Variants in CUL3 observed in about 807,000 individuals in gnomAD.
CUL3 encodes the protein cullin 3.
CUL3 carries 19 observed loss-of-function variants against 89.1 expected under a neutral mutation model. The observed-to-expected ratio is 0.21, with a 90% CI of 0.15 to 0.31. The LOEUF (loss-of-function observed/expected upper bound fraction) is 0.31. Among genes scored for constraint, CUL3 ranks in the 10% least tolerant of loss-of-function variants. The pLI is 1.00. For missense variants in CUL3, 469 were observed against 942.3 expected (o/e 0.50, Z 6.58); for synonymous variants, 351 against 308.4 (o/e 1.14, Z -1.45).
At chr2:224,511,318 T>C in intron 6 of CUL3, 36 bp downstream of exon 6, 3 of 1,426,130 alleles carry the variant, frequency 2.1e-6, no homozygotes, top group Non-Finnish European at 2.9e-6. Flanking sequence ...TAAGGCAGAG[T>C]AAGGATTTAA....
chr2:224,557,534 G>T, intron 2 of CUL3, 125 bp downstream of exon 2: 1 of 590,578 alleles, frequency 1.7e-6, no homozygotes, highest in Non-Finnish European at 2.8e-6. Flanking sequence ...TAACAGTCAC[G>T]AATTAGTAAT....
intron 1 of CUL3, among the ~76,000 whole-genome samples, chr2:224,564,434 T>A (rs1453212116): frequency 6.6e-6 from 1 of 152,242 alleles, no homozygotes; most frequent in Non-Finnish European, 1.5e-5. Context: ...GTGTATCATC[T>A]CATACCATCA....
In CUL3 at chr2:224,573,478, T is replaced by G. The variant is rs550334645; in HGVS notation, c.66+11466A>C. Among the ~76,000 whole-genome samples the G allele has an allele frequency of 2.9e-4, 44 of 152,278 alleles. 1 individual carries two copies. The highest frequency in any genetic ancestry group is 3.9e-4 in the Admixed American group (6 of 15,298). On this transcript the variant is annotated intron_variant, in intron 1 of 15. Transcript: ENST00000264414. Reference sequence around the variant, plus strand: ...TACTGAACAATACACATTTCCCAAGTTTTTCATAACTTTTATAAATGGTCC... The same window carrying G: ...TACTGAACAATACACATTTCCCAAGGTTTTCATAACTTTTATAAATGGTCC...
intron 1 of CUL3, among the ~76,000 whole-genome samples, chr2:224,574,837 C>T (rs1410276104): frequency 1.3e-5 from 2 of 152,166 alleles, no homozygotes; most frequent in Non-Finnish European, 2.9e-5. Context: ...AGGAAACAAA[C>T]TTAAAGAGTC....
Position 224,535,604 on chromosome 2 carries a change from A to G in CUL3, c.302T>C (p.Phe101Ser). 6.2e-7 allele frequency: 1 copy of G among 1,613,440 alleles called. No homozygotes were observed. The highest frequency in any genetic ancestry group is 8.5e-7 in the Non-Finnish European group (1 of 1,179,672). ...CCAAGCTTGATTTAGCGTTTGAAGA[A>G]AGTTGTTATTCAATGAATTTAGTAC... is the stretch of plus-strand genomic sequence containing the variant. Reference protein sequence around the residue: ...EDVLNSLNNNFLQTLNQAWND... With the variant: ...EDVLNSLNNNSLQTLNQAWND... The change falls in exon 3 of 16, where the codon TTT (phenylalanine) becomes TCT (serine). Residue 101 changes from phenylalanine (F) to serine (S), a missense_variant. By Grantham distance (155) the Phe-to-Ser change is radical (BLOSUM62 -2). Around this residue, in one of 4 missense-constraint regions of CUL3, gnomAD observed 370 missense variants for 733.2 expected, o/e 0.50. Transcript: ENST00000264414.
At chr2:224,497,573 T>C (rs1360528340) in intron 12 of CUL3, among the ~76,000 whole-genome samples, 180 bp downstream of exon 12, 3 of 152,146 alleles carry the variant, frequency 2.0e-5, no homozygotes, top group Non-Finnish European at 2.9e-5. Context: ...TTTTCAAAGG[T>C]GCAGTTAGCA....
rs1188846843 is a variant in CUL3 at position 224,504,096 on chromosome 2, G to A, written c.1207-274C>T. On this transcript the variant is annotated intron_variant, in intron 8 of 15. Transcript: ENST00000264414. ...AATTGGAGGCATAAGGTAATATAGC[G>A]CTGGGTTAAGGGATGATTGAGAACA... The A allele has an allele frequency of 5.6e-5, 15 of 269,564 alleles. 1 individual carries two copies. Among genetic ancestry groups the A allele is most frequent in the South Asian group, 5.5e-4 (5 of 9,058 alleles). 16.7% of individuals were successfully genotyped at this position (269,564 alleles called of 1,614,324 possible). A position where few individuals can be genotyped will look rare whatever the true frequency, so the allele number is the denominator to read the frequency against.
intron 3 of CUL3, among the ~76,000 whole-genome samples, chr2:224,531,318 C>T (rs907720449): frequency 4.6e-5 from 7 of 151,850 alleles, no homozygotes; most frequent in African/African-American, 1.7e-4. Context: ...AAATTCCTGG[C>T]CTCAAGTAAT....
chr2:224,501,063 T>C (rs1268260225), intron 10 of CUL3, among the ~76,000 whole-genome samples: 4 of 152,188 alleles, frequency 2.6e-5, no homozygotes, highest in Admixed American at 1.3e-4. Flanking sequence ...AAATCAAGTC[T>C]TACTGTTATC....
At chr2:224,580,912 C>T (rs576985767) in intron 1 of CUL3, among the ~76,000 whole-genome samples, 8 of 149,746 alleles carry the variant, frequency 5.3e-5, no homozygotes, top group Admixed American at 5.3e-4. Context: ...AAGAGTCTTG[C>T]TCTAAGGCCT....
chr2:224,556,779 A>G (rs755685252), intron 2 of CUL3, among the ~76,000 whole-genome samples: 2 of 152,172 alleles, frequency 1.3e-5, no homozygotes, highest in Non-Finnish European at 2.9e-5. Context: ...GATGAAATCT[A>G]AAACTTACTC....
chr2:224,508,822 C>T lies in CUL3; in HGVS notation c.884-1819G>A, dbSNP rs972716252. On this transcript the variant is annotated intron_variant, in intron 6 of 15. Coordinates refer to ENST00000264414, the MANE Select transcript of CUL3 (RefSeq NM_003590.5). ...ATAAAAATACAAAAAATTAGCCGGG[C>T]GTGGTGGCGGGAGCCTGCAGTCCCA... Among the ~76,000 whole-genome samples, 15 of 151,978 alleles carry T rather than the reference C, an allele frequency of 9.9e-5. No individual in the cohort carries two copies. The East Asian group carries it at 2.1e-3, about 22-fold the overall frequency.
At chr2:224,498,541 C>T (rs1692257529) in intron 11 of CUL3, among the ~76,000 whole-genome samples, 1 of 152,134 alleles carries the variant, frequency 6.6e-6, no homozygotes, top group Non-Finnish European at 1.5e-5. Context: ...GGGAAAAAAC[C>T]CAACATTTCT....
chr2:224,573,838 T>C (rs1695240995), intron 1 of CUL3, among the ~76,000 whole-genome samples: 1 of 152,212 alleles, frequency 6.6e-6, no homozygotes, highest in South Asian at 2.1e-4. Flanking sequence ...ACATTATACT[T>C]AAAATTGTTT....
At position 224,513,579 on chromosome 2, in the gene CUL3, A is replaced by G. The variant is rs2106220805; in HGVS notation, c.599T>C (p.Val200Ala). 3.7e-6 allele frequency: 6 copies of G among 1,603,984 alleles called. No individual in the cohort carries two copies. Among genetic ancestry groups the G allele is most frequent in the Non-Finnish European group, 5.1e-6 (6 of 1,177,634 alleles). Residue 200 changes from valine (V) to alanine (A), a missense_variant, in exon 5 of 16, where the codon GTC becomes GCC. Physicochemically the swap from Val to Ala is moderately conservative, Grantham distance 64. Coordinates refer to ENST00000264414, the MANE Select transcript of CUL3 (RefSeq NM_003590.5). ...LMILGLEGRS[V>A]YEEDFEAPFL... ...AGGAGCCTCAAAATCTTCTTCATAG[A>G]CTGATCTTCCTTCGAGACCTAAAAT...
intron 3 of CUL3, among the ~76,000 whole-genome samples, chr2:224,533,672 A>G (rs547036861): frequency 1.3e-5 from 2 of 152,356 alleles, no homozygotes; most frequent in East Asian, 1.9e-4. Flanking sequence ...GAAAACAACA[A>G]GCTAACTTAT....
chr2:224,569,706 T>C, intron 1 of CUL3: 2 of 1,213,402 alleles, frequency 1.6e-6, no homozygotes, highest in East Asian at 7.4e-5. Flanking sequence ...GAAGGTTCTG[T>C]GATTACTGAG....
At chr2:224,548,950 C>T (rs928760118) in intron 2 of CUL3, among the ~76,000 whole-genome samples, 1 of 151,872 alleles carries the variant, frequency 6.6e-6, no homozygotes. Context: ...TGCAGTGAAC[C>T]GAGATTGTGC....
At chr2:224,577,750 C>T (rs1320232904) in intron 1 of CUL3, among the ~76,000 whole-genome samples, 1 of 152,090 alleles carries the variant, frequency 6.6e-6, no homozygotes, top group Non-Finnish European at 1.5e-5. Flanking sequence ...TTTTATTCTC[C>T]TAAGTAGTCA....
Sources: gnomAD v4.1 joint callset for allele counts (sites outside exome capture counted in the v4.1 genomes callset) on GRCh38, gnomAD v4.1.1 for gene constraint, gnomAD v4.1.1 regional missense constraint, MANE v1.5 for transcripts, NCBI Gene and HGNC (gene_info 2026-07-23, HGNC 2026-07-21) for gene names.